SAMD12: variants seen among roughly 807,000 people sequenced by gnomAD.
SAMD12 encodes sterile alpha motif domain-containing protein 12.
Under a neutral mutation model 15.0 loss-of-function variants are expected in SAMD12, and 9 were observed. That is an observed-to-expected ratio of 0.60 (90% confidence interval 0.36 to 1.05). SAMD12 has a LOEUF of 1.05. Ranked by LOEUF, SAMD12 falls within the 50% of genes least tolerant of loss-of-function variation. The pLI is 0.01. For synonymous variants in SAMD12, 86 were observed against 90.1 expected, an observed-to-expected ratio of 0.96 and a Z score of 0.25; for missense variants, 230 against 234.2, an observed-to-expected ratio of 0.98 and a Z score of 0.12.
chr8:118,279,474 T>C (rs1813556386), intron 4 of SAMD12, among the ~76,000 whole-genome samples: 1 of 152,242 alleles, frequency 6.6e-6, no homozygotes, highest in African/African-American at 2.4e-5. Context: ...ATCTTCTCAT[T>C]AATGTTTGTG....
At chr8:118,540,460 T>C (rs12541178) in intron 2 of SAMD12, among the ~76,000 whole-genome samples, 64,749 of 151,926 alleles carry the variant, frequency 0.43, 14,156 homozygotes, top group Non-Finnish European at 0.48. Flanking sequence ...ATCTAATATA[T>C]CAGCATGCAG....
intron 4 of SAMD12, among the ~76,000 whole-genome samples, chr8:118,215,747 G>T (rs998805863): frequency 6.6e-6 from 1 of 151,980 alleles, no homozygotes; most frequent in African/African-American, 2.4e-5. Flanking sequence ...AGTTTACTGA[G>T]AATGATGATT....
downstream of SAMD12, among the ~76,000 whole-genome samples, chr8:118,374,635 C>T (rs1819284499): frequency 6.6e-6 from 1 of 152,050 alleles, no homozygotes; most frequent in Admixed American, 6.6e-5. Flanking sequence ...ACATTCTTGC[C>T]AACACTAGTT....
intron 2 of SAMD12, among the ~76,000 whole-genome samples, chr8:118,440,701 C>A (rs1000467311): frequency 3.3e-5 from 5 of 149,304 alleles, no homozygotes; most frequent in Non-Finnish European, 5.9e-5. Flanking sequence ...CACACAAACA[C>A]ACACACACAC....
intron 3 of SAMD12, among the ~76,000 whole-genome samples, chr8:118,420,149 C>A (rs1482804980): frequency 1.3e-5 from 2 of 152,186 alleles, no homozygotes; most frequent in Non-Finnish European, 2.9e-5. Context: ...TGGCCACAAT[C>A]ATGGGAAAAG....
chr8:118,575,836 C>T (rs1028649166), intron 2 of SAMD12, among the ~76,000 whole-genome samples: 1 of 152,208 alleles, frequency 6.6e-6, no homozygotes, highest in African/African-American at 2.4e-5. Flanking sequence ...GTTTAGGCCA[C>T]TTGTGAGGAC....
At chr8:118,415,446 A>AAGGT (rs1821634662) in intron 3 of SAMD12, among the ~76,000 whole-genome samples, 1 of 46,334 alleles carries the variant, frequency 2.2e-5, no homozygotes. Context: ...ACCTTGTCCT[A>AAGGT]AGGTGTGTGT....
At chr8:118,593,843 G>C (rs978284662) in intron 1 of SAMD12, among the ~76,000 whole-genome samples, 2 of 152,096 alleles carry the variant, frequency 1.3e-5, no homozygotes. Flanking sequence ...TACACTTCCA[G>C]AATTACAAAA....
At chr8:118,144,503 T>C in the SAMD12 span, among the ~76,000 whole-genome samples, 2 of 152,142 alleles carry the variant, frequency 1.3e-5, no homozygotes, top group Non-Finnish European at 2.9e-5. Context: ...ATTTGGTAGG[T>C]AAATAAAAAT....
chr8:118,296,731 A>G (rs936502266), intron 4 of SAMD12, among the ~76,000 whole-genome samples: 1 of 152,232 alleles, frequency 6.6e-6, no homozygotes, highest in Non-Finnish European at 1.5e-5. Context: ...TATTATCAAA[A>G]TGCATTTGCC....
intron 4 of SAMD12, among the ~76,000 whole-genome samples, chr8:118,364,730 C>G (rs750230605): frequency 6.6e-6 from 1 of 152,134 alleles, no homozygotes; most frequent in Non-Finnish European, 1.5e-5. Context: ...AATTCTGCTG[C>G]AAGAAGGTCA....
rs181959976 is a variant in SAMD12, at chr8:118,396,224, G to A, written c.323-16524C>T. Among the ~76,000 whole-genome samples, 3 of 152,252 alleles carry A rather than the reference G, an allele frequency of 2.0e-5. No homozygotes were observed. The East Asian group carries it at 5.8e-4, about 29-fold the overall frequency. On this transcript the variant is annotated intron_variant, in intron 3 of 3. Coordinates refer to ENST00000314727, the MANE Select transcript of SAMD12 (RefSeq NM_207506.3). Reference sequence around the variant, plus strand: ...CTTGAGTAACTTATTTAATGCCACTGAGTCAGTTTCCTCATCTGTAAAATG... The same window carrying A: ...CTTGAGTAACTTATTTAATGCCACTAAGTCAGTTTCCTCATCTGTAAAATG...
chr8:118,197,573 G>C lies in SAMD12; in HGVS notation c.*137C>G, dbSNP rs1360724822. ...AACCCATAATATTGACTGAATGGGT[G>C]CTTTTTTCAGTTAATCCAGTTAATC... On this transcript the variant is annotated 3_prime_UTR_variant, in exon 5 of 5. Coordinates refer to the SAMD12 transcript ENST00000409003. 8 of 816,752 alleles carry C rather than the reference G, an allele frequency of 9.8e-6. No individual in the cohort carries two copies. The East Asian group carries it at 1.9e-4, about 20-fold the overall frequency. The allele number at this position is 816,752 out of a possible 1,614,324, so 50.6% of individuals were successfully genotyped here.
chr8:118,481,904 T>C (rs1048903537), intron 2 of SAMD12, among the ~76,000 whole-genome samples: 2 of 152,222 alleles, frequency 1.3e-5, no homozygotes, highest in Non-Finnish European at 2.9e-5. Context: ...GCACTTACTC[T>C]GAGTCTGGCA....
At chr8:118,306,412 A>T (rs1815349231) in intron 4 of SAMD12, among the ~76,000 whole-genome samples, 1 of 152,192 alleles carries the variant, frequency 6.6e-6, no homozygotes, top group African/African-American at 2.4e-5. Flanking sequence ...ATGGAATCAG[A>T]TGTGCTGGAT....
intron 4 of SAMD12, among the ~76,000 whole-genome samples, chr8:118,358,553 C>T (rs537537016): frequency 6.6e-6 from 1 of 152,284 alleles, no homozygotes; most frequent in African/African-American, 2.4e-5. Context: ...TTATCTTCTG[C>T]TTCTTTAGCC....
chr8:118,584,276 C>G (rs1401357233), intron 1 of SAMD12, among the ~76,000 whole-genome samples: 1 of 152,148 alleles, frequency 6.6e-6, no homozygotes, highest in Admixed American at 6.5e-5. Context: ...TTTGTTTTCC[C>G]TGAAATTTCA....
exon 5 of SAMD12, chr8:118,190,702 T>C (rs1202825453): frequency 6.6e-6 from 1 of 152,142 alleles, no homozygotes; most frequent in Admixed American, 6.6e-5. Flanking sequence ...ATAAGGGATA[T>C]TGGAGGCACA....
chr8:118,256,299 C>G (rs1812937409), intron 4 of SAMD12, among the ~76,000 whole-genome samples: 1 of 152,074 alleles, frequency 6.6e-6, no homozygotes, highest in Non-Finnish European at 1.5e-5. Flanking sequence ...AGAGCTCATT[C>G]CCTATAACTA....
Sources: gnomAD v4.1 joint callset for allele counts (sites outside exome capture counted in the v4.1 genomes callset) on GRCh38, gnomAD v4.1.1 for gene constraint, MANE v1.5 for transcripts, NCBI Gene and HGNC (gene_info 2026-07-23, HGNC 2026-07-21) for gene names.